DNAJC24: variants seen among roughly 807,000 people sequenced by gnomAD.
DNAJC24 encodes DnaJ heat shock protein family (Hsp40) member C24.
A neutral mutation model predicts 18.0 loss-of-function variants in DNAJC24; 17 were observed. The observed-to-expected ratio is 0.94, with a 90% CI of 0.65 to 1.42. DNAJC24 has a LOEUF of 1.42. Ranked by LOEUF, DNAJC24 falls within the 40% of genes most tolerant of loss-of-function variation. DNAJC24 has a pLI of 0.00. For synonymous variants in DNAJC24, 55 were observed against 57.7 expected (o/e 0.95, Z 0.21); for missense variants, 158 against 175.6 (o/e 0.90, Z 0.57).
intron 4 of DNAJC24, among the ~76,000 whole-genome samples, chr11:31,428,452 A>G (rs1161133500): frequency 1.3e-5 from 2 of 152,164 alleles, no homozygotes; most frequent in African/African-American, 2.4e-5. Flanking sequence ...AAAAAGAGCA[A>G]TTTTGGCAGA....
chr11:31,388,560 G>A (rs1227641782), intron 2 of DNAJC24, among the ~76,000 whole-genome samples: 1 of 152,126 alleles, frequency 6.6e-6, no homozygotes, highest in African/African-American at 2.4e-5. Context: ...GACTTTTCCA[G>A]ACAAATACAA....
At chr11:31,386,383 A>G (rs1352729077) in intron 2 of DNAJC24, among the ~76,000 whole-genome samples, 1 of 151,672 alleles carries the variant, frequency 6.6e-6, no homozygotes, top group African/African-American at 2.4e-5. Flanking sequence ...AAAGGCAACT[A>G]TGTCTGGCAA....
At chr11:31,407,677 C>A (rs1196068850) in intron 2 of DNAJC24, 30 of 101,620 alleles carry the variant, frequency 3.0e-4, no homozygotes, top group African/African-American at 1.1e-3. Flanking sequence ...AGAGAGAGAT[C>A]CCATCTCAAA....
intron 3 of DNAJC24, among the ~76,000 whole-genome samples, chr11:31,419,818 A>G (rs965132180): frequency 1.3e-5 from 2 of 151,974 alleles, no homozygotes; most frequent in African/African-American, 2.4e-5. Context: ...TTTACAGTCA[A>G]TGAATCAGAA....
chr11:31,405,156 G>A (rs537072780), intron 2 of DNAJC24, among the ~76,000 whole-genome samples: 18 of 146,366 alleles, frequency 1.2e-4, no homozygotes, highest in South Asian at 2.2e-4. Context: ...TGCAACCTCC[G>A]CTTCCCAGAT....
At position 31,426,058 on chromosome 11, in the gene DNAJC24, C is replaced by T. The variant is rs540526106; in HGVS notation, c.251-229C>T. On this transcript the variant is annotated intron_variant, in intron 3 of 4. Coordinates refer to ENST00000465995, the MANE Select transcript of DNAJC24 (RefSeq NM_181706.5). ...TTCCATGTTGCATGATTGTGAAAAA[C>T]GGGATTGATTTTGACAAAAAATTTA... Among the ~76,000 whole-genome samples the T allele has an allele frequency of 1.3e-3, 199 of 152,184 alleles. No homozygotes were observed. The South Asian group carries it at 0.014, about 11-fold the overall frequency.
intron 2 of DNAJC24, among the ~76,000 whole-genome samples, chr11:31,410,777 T>C (rs967430159): frequency 6.6e-6 from 1 of 152,318 alleles, no homozygotes. Flanking sequence ...CCTTTCCTCA[T>C]TGAATTGCTG....
In DNAJC24 at chr11:31,374,030, A is replaced by T. The variant is rs780640248; in HGVS notation, c.111+3171A>T. ...AATTTTCTGCCAACACAATTATGTC[A>T]TTTGCAGATAACGAGAGTTTTAATT... On this transcript the variant is annotated intron_variant, in intron 2 of 4. Coordinates refer to ENST00000465995, the MANE Select transcript of DNAJC24 (RefSeq NM_181706.5). The T allele has an allele frequency of 1.7e-4, 56 of 331,200 alleles. 15 individuals are homozygous for T. Among genetic ancestry groups the T allele is most frequent in the Non-Finnish European group, 3.2e-4 (51 of 157,380 alleles). 20.5% of individuals were successfully genotyped at this position (331,200 alleles called of 1,614,324 possible).
intron 2 of DNAJC24, among the ~76,000 whole-genome samples, chr11:31,390,395 CA>C (rs370680501): frequency 0.017 from 824 of 48,546 alleles, 1 homozygote; most frequent in East Asian, 0.031. Flanking sequence ...GACTCTATCT[CA>C]AAAAAAAAAA....
chr11:31,390,172 G>C (rs978396047), intron 2 of DNAJC24, among the ~76,000 whole-genome samples: 3 of 152,116 alleles, frequency 2.0e-5, no homozygotes, highest in Non-Finnish European at 4.4e-5. Flanking sequence ...AATGCGGGTG[G>C]ATCACCTGAG....
At chr11:31,392,875 C>T (rs1241021505) in intron 2 of DNAJC24, among the ~76,000 whole-genome samples, 1 of 152,034 alleles carries the variant, frequency 6.6e-6, no homozygotes, top group Admixed American at 6.5e-5. Context: ...TCTCAAACTT[C>T]TGACCTCAGG....
At chr11:31,428,403 C>T (rs773086246) in intron 4 of DNAJC24, among the ~76,000 whole-genome samples, 5 of 152,032 alleles carry the variant, frequency 3.3e-5, no homozygotes, top group South Asian at 2.1e-4. Context: ...TACTTAAAAA[C>T]GAATCATGGA....
intron 2 of DNAJC24, among the ~76,000 whole-genome samples, chr11:31,396,855 C>A (rs927258030): frequency 1.3e-5 from 2 of 152,134 alleles, no homozygotes; most frequent in Non-Finnish European, 2.9e-5. Context: ...CCTATCCAAC[C>A]ATTCTTTCAC....
At chr11:31,417,664 G>T (rs1952763015) in intron 3 of DNAJC24, among the ~76,000 whole-genome samples, 1 of 151,966 alleles carries the variant, frequency 6.6e-6, no homozygotes, top group Non-Finnish European at 1.5e-5. Flanking sequence ...AAATATGTTT[G>T]TTTCCTGCCC....
chr11:31,396,383 G>A, intron 2 of DNAJC24: 1 of 423,466 alleles, frequency 2.4e-6, no homozygotes, highest in South Asian at 1.7e-5. Flanking sequence ...TGAGGCTCAG[G>A]GGACTTTGGA....
intron 2 of DNAJC24, among the ~76,000 whole-genome samples, chr11:31,405,322 G>A (rs950845167): frequency 1.3e-4 from 20 of 151,346 alleles, no homozygotes; most frequent in African/African-American, 4.8e-4. Context: ...TGCCCGCCTT[G>A]GCCTCCCAAA....
At chr11:31,380,986 G>A (rs1039721149) in intron 2 of DNAJC24, among the ~76,000 whole-genome samples, 1 of 152,060 alleles carries the variant, frequency 6.6e-6, no homozygotes, top group Non-Finnish European at 1.5e-5. Context: ...TCTTATTATA[G>A]CACATTACAT....
intron 2 of DNAJC24, among the ~76,000 whole-genome samples, chr11:31,394,828 T>C (rs1207744922): frequency 6.6e-6 from 1 of 151,650 alleles, no homozygotes; most frequent in Non-Finnish European, 1.5e-5. Flanking sequence ...AAGGGAGGAA[T>C]TGATATGAAG....
intron 2 of DNAJC24, among the ~76,000 whole-genome samples, chr11:31,372,957 C>A (rs1271743165): frequency 1.5e-5 from 2 of 134,616 alleles, no homozygotes; most frequent in African/African-American, 5.0e-5. Flanking sequence ...CTGGTCATAC[C>A]CCATTGTGGG....
Sources: gnomAD v4.1 joint callset for allele counts (sites outside exome capture counted in the v4.1 genomes callset) on GRCh38, gnomAD v4.1.1 for gene constraint, MANE v1.5 for transcripts, NCBI Gene and HGNC (gene_info 2026-07-23, HGNC 2026-07-21) for gene names.